UBN1: variants seen among roughly 807,000 people sequenced by gnomAD.
UBN1 encodes ubinuclein-1.
A neutral mutation model predicts 108.5 loss-of-function variants in UBN1; 17 were observed. The ratio of observed to expected loss-of-function variants is 0.16; its 90% confidence interval spans 0.11 to 0.24. The LOEUF (loss-of-function observed/expected upper bound fraction) is 0.24, where lower values mean the gene tolerates loss of function less well. Among genes scored for constraint, UBN1 ranks in the 10% least tolerant of loss-of-function variants. The probability of loss-of-function intolerance (pLI) is 1.00; values close to 1 mark genes in which losing one functional copy is unlikely to be tolerated. For missense variants in UBN1, 1,595 were observed against 1,394.4 expected, an observed-to-expected ratio of 1.14 and a Z score of -2.29; for synonymous variants, 726 against 564.2, an observed-to-expected ratio of 1.29 and a Z score of -4.07.
At chr16:4,868,445 C>G (rs1199667099) in intron 7 of UBN1, among the ~76,000 whole-genome samples, 2 of 152,196 alleles carry the variant, frequency 1.3e-5, no homozygotes, top group Admixed American at 1.3e-4. Flanking sequence ...ATCCTATAGA[C>G]TGGTTGAAGT....
intron 14 of UBN1, among the ~76,000 whole-genome samples, chr16:4,873,934 CAG>C (rs2087758059): frequency 6.6e-6 from 1 of 152,222 alleles, no homozygotes; most frequent in African/African-American, 2.4e-5. Flanking sequence ...CTTTTCAAAA[CAG>C]AAGAAAGTTT....
chr16:4,871,251 T>C lies in UBN1; in HGVS notation c.1656T>C (p.Phe552=). The C allele has an allele frequency of 6.2e-7, 1 of 1,614,220 alleles. No individual in the cohort carries two copies. Among genetic ancestry groups the C allele is most frequent in the African/African-American group, 1.3e-5 (1 of 75,064 alleles). Reference sequence around the variant, plus strand: ...CTTGGGAGGACTGTGTGAAGGGCTTTCTGGATGCGGAAGTCAAGCCCCTCT... The same window carrying C: ...CTTGGGAGGACTGTGTGAAGGGCTTCCTGGATGCGGAAGTCAAGCCCCTCT... ...AQAWEDCVKG[F]LDAEVKPLWP... Residue 552 remains phenylalanine, a synonymous_variant, in exon 12 of 18, where the codon TTT becomes TTC. Transcript: ENST00000262376.
intron 6 of UBN1, among the ~76,000 whole-genome samples, chr16:4,860,444 T>G (rs2087006261): frequency 6.6e-6 from 1 of 152,212 alleles, no homozygotes; most frequent in South Asian, 2.1e-4. Flanking sequence ...CGTCGGAAAT[T>G]TAGCATATGT....
In UBN1 at chr16:4,870,340, A is replaced by C; in HGVS notation, c.1310A>C (p.Gln437Pro). 1.2e-6 allele frequency: 2 copies of C among 1,614,086 alleles called. No homozygotes were observed. The highest frequency in any genetic ancestry group is 1.7e-6 in the Non-Finnish European group (2 of 1,179,988). ...KRARKLHLYE[Q>P]GGRLKEPLQK... ...GCTCGGAAACTTCACCTCTATGAAC[A>C]GGTGGGTGACTCTAGAGTGAAGCCC... The change falls in exon 9 of 18, where the codon CAG (glutamine) becomes CCG (proline). Residue 437 changes from glutamine to proline, a missense_variant and splice_region_variant. This residue lies in a region of UBN1 where 1,398 missense variants were observed against 1,194.7 expected (regional missense o/e 1.17). Coordinates refer to ENST00000262376, the MANE Select transcript of UBN1 (RefSeq NM_001079514.3).
intron 1 of UBN1, among the ~76,000 whole-genome samples, chr16:4,850,476 A>G (rs183481699): frequency 6.2e-4 from 95 of 152,314 alleles, no homozygotes; most frequent in Admixed American, 1.2e-3. Flanking sequence ...TTCCGGTTCT[A>G]TCAGTGGGGG....
intron 7 of UBN1, among the ~76,000 whole-genome samples, chr16:4,864,075 C>CTTTTT (rs796516323): frequency 6.9e-5 from 6 of 86,440 alleles, no homozygotes; most frequent in Non-Finnish European, 1.3e-4. Flanking sequence ...TTGTTGTTGC[C>CTTTTT]TTTTTTTTTT....
In UBN1 at chr16:4,874,067, C is replaced by T. The variant is rs559602107; in HGVS notation, c.1801-144C>T. ...ATCTAAAGTCAAGGCGGGCACAGCT[C>T]CTGCTCTGTCCCACCACTTGTCTTG... On this transcript the variant is annotated intron_variant, in intron 14 of 17. Coordinates refer to ENST00000262376, the MANE Select transcript of UBN1 (RefSeq NM_001079514.3). 4.8e-6 allele frequency: 5 copies of T among 1,048,536 alleles called. No individual in the cohort carries two copies. The East Asian group carries it at 9.9e-5, about 21-fold the overall frequency. The allele number at this position is 1,048,536 out of a possible 1,614,324, so 65.0% of individuals were successfully genotyped here.
rs552111357 is a variant in UBN1, at chr16:4,862,448, G to T, written c.1110+1346G>T. Among the ~76,000 whole-genome samples, 3 of 152,286 alleles carry T rather than the reference G, an allele frequency of 2.0e-5. No individual in the cohort carries two copies. In the South Asian group the frequency reaches 6.2e-4, roughly 32 times the overall value. Reference sequence around the variant, plus strand: ...ATGTTGGGGTTTGGAGTATCTCTTAGTATGACATTGAGGTGGAAGTAGCTG... The same window carrying T: ...ATGTTGGGGTTTGGAGTATCTCTTATTATGACATTGAGGTGGAAGTAGCTG... On this transcript the variant is annotated intron_variant, in intron 7 of 17. Transcript: ENST00000262376.
At position 4,874,492 on chromosome 16, in the gene UBN1, A is replaced by T. The variant is rs754995803; in HGVS notation, c.2082A>T (p.Thr694=). The change falls in exon 15 of 18, where the codon ACA becomes ACT. Residue 694 remains threonine (T), a synonymous_variant. Coordinates refer to ENST00000262376, the MANE Select transcript of UBN1 (RefSeq NM_001079514.3). The stretch of plus-strand genomic sequence containing the variant: ...GAGCAGCTGGGAACTCTGAATTCAC[A>T]CTGCCTGCACCCTCAAAAGCACCTG... ...NSRAAGNSEF[T]LPAPSKAPAE... 7 of 1,614,230 alleles carry T rather than the reference A, an allele frequency of 4.3e-6. No homozygotes were observed. In the Admixed American group the frequency reaches 1.2e-4, roughly 27 times the overall value.
At chr16:4,878,915 G>A (rs1212470679) in intron 17 of UBN1, among the ~76,000 whole-genome samples, 1 of 152,188 alleles carries the variant, frequency 6.6e-6, no homozygotes, top group East Asian at 1.9e-4. Flanking sequence ...AGGAAGCTGA[G>A]GCAGAAGGAT....
chr16:4,860,807 C>T lies in UBN1; in HGVS notation c.815C>T (p.Pro272Leu). ...REEEHKPVAV[P>L]SAEAQGLREL... The stretch of plus-strand genomic sequence containing the variant: ...GAGGAGCATAAGCCTGTTGCGGTCC[C>T]ATCAGCGGAAGCTCAGGGCCTGCGG... Residue 272 changes from proline (P) to leucine (L), a missense_variant, in exon 7 of 18, where the codon CCA (proline) becomes CTA (leucine). By Grantham distance (98) the Pro-to-Leu change is moderately conservative. Transcript: ENST00000262376. 1 of 1,614,278 alleles carries T rather than the reference C, an allele frequency of 6.2e-7. No individual in the cohort carries two copies.
At chr16:4,872,428 C>T (rs892870710) in intron 12 of UBN1, 1 of 527,684 alleles carries the variant, frequency 1.9e-6, no homozygotes, top group African/African-American at 2.5e-5. Context: ...TTTGGCTCCC[C>T]AATCCATTGA....
In UBN1 at chr16:4,868,796, A is replaced by G. The variant is rs1375699248; in HGVS notation, c.1111-37A>G. On this transcript the variant is annotated intron_variant, in intron 7 of 17. Coordinates refer to ENST00000262376, the MANE Select transcript of UBN1 (RefSeq NM_001079514.3). ...GTGAGCGTAAGGGACATGTGGGGAAAGTGCACTAACGGCTGTTACTGTCTG... is the reference window on the plus strand; with the variant it reads ...GTGAGCGTAAGGGACATGTGGGGAAGGTGCACTAACGGCTGTTACTGTCTG... 5 of 1,607,600 alleles carry G rather than the reference A, an allele frequency of 3.1e-6. No individual in the cohort carries two copies. In the Admixed American group the frequency reaches 8.4e-5, roughly 27 times the overall value.
intron 2 of UBN1, among the ~76,000 whole-genome samples, chr16:4,855,042 AC>A (rs1347746270): frequency 3.9e-5 from 6 of 152,048 alleles, no homozygotes; most frequent in African/African-American, 1.4e-4. Flanking sequence ...ATTTTTAAGC[AC>A]CTGTGTCTGC....
chr16:4,868,696 G>T, intron 7 of UBN1, 137 bp from the exon 8 acceptor site: 1 of 722,870 alleles, frequency 1.4e-6, no homozygotes, highest in Non-Finnish European at 2.3e-6. Flanking sequence ...CTGGGACTAG[G>T]GTGGAGTTGG....
At position 4,875,170 on chromosome 16, in the gene UBN1, G is replaced by A. The variant is rs753433534; in HGVS notation, c.2760G>A (p.Ser920=). The change falls in exon 15 of 18, where the codon TCG becomes TCA. Residue 920 remains serine, a synonymous_variant. Coordinates refer to ENST00000262376, the MANE Select transcript of UBN1 (RefSeq NM_001079514.3). ...GGGTTTCTTCTGGCAGCTCTTCCTC[G>A]GGAGGAACACCAGTCCAGAGTTCTG... The part of the protein sequence containing the change: ...KHGVSSGSSS[S]GGTPVQSSVS... The A allele has an allele frequency of 3.7e-6, 6 of 1,614,178 alleles. No individual in the cohort carries two copies. The highest frequency in any genetic ancestry group is 2.2e-5 in the South Asian group (2 of 91,084).
chr16:4,859,593 T>A (rs934020951), intron 5 of UBN1, among the ~76,000 whole-genome samples: 1 of 152,212 alleles, frequency 6.6e-6, no homozygotes, highest in Non-Finnish European at 1.5e-5. Flanking sequence ...GTGTTTAAGA[T>A]GAGAGGTAGG....
At chr16:4,855,861 G>T (rs1430530732) in intron 2 of UBN1, among the ~76,000 whole-genome samples, 1 of 152,210 alleles carries the variant, frequency 6.6e-6, no homozygotes, top group African/African-American at 2.4e-5. Context: ...AGAGATTGCA[G>T]TGAGCTGAGA....
At chr16:4,868,777 G>A (rs565994748) in intron 7 of UBN1, 56 bp from the exon 8 acceptor site, 5 of 1,576,534 alleles carry the variant, frequency 3.2e-6, no homozygotes, top group African/African-American at 1.3e-5. Flanking sequence ...GTGGGTGAGC[G>A]TAAGGGACAT....
Sources: allele counts gnomAD v4.1 joint callset (sites outside exome capture counted in the v4.1 genomes callset), GRCh38; gene constraint gnomAD v4.1.1; regional missense constraint gnomAD v4.1.1; transcripts MANE v1.5; gene names NCBI Gene and HGNC (gene_info 2026-07-23, HGNC 2026-07-21).